Variants in ROR1 observed in about 807,000 individuals in gnomAD.
The protein encoded by ROR1 is inactive tyrosine-protein kinase transmembrane receptor ROR1.
Under a neutral mutation model 78.8 loss-of-function variants are expected in ROR1, and 19 were observed. The observed-to-expected ratio is 0.24, with a 90% CI of 0.17 to 0.35. ROR1 has a LOEUF of 0.35. ROR1 is among the 10% of genes least tolerant of loss of function. The probability of loss-of-function intolerance (pLI) is 1.00; values close to 1 mark genes in which losing one functional copy is unlikely to be tolerated. For missense variants in ROR1, 917 were observed against 1,177.8 expected (o/e 0.78, Z 3.24); for synonymous variants, 386 against 433.6 (o/e 0.89, Z 1.36).
At chr1:63,964,275 G>A (rs898614032) in intron 1 of ROR1, among the ~76,000 whole-genome samples, 10 of 152,114 alleles carry the variant, frequency 6.6e-5, no homozygotes, top group Non-Finnish European at 8.8e-5. Flanking sequence ...AATGGAATTC[G>A]CCCAAACTGC....
chr1:63,903,921 A>G (rs1475066327), intron 1 of ROR1, among the ~76,000 whole-genome samples: 1 of 152,202 alleles, frequency 6.6e-6, no homozygotes, highest in Non-Finnish European at 1.5e-5. Context: ...TAAAAGAGGT[A>G]AAACCAAACA....
At chr1:63,990,820 G>A (rs1399156264) in intron 1 of ROR1, among the ~76,000 whole-genome samples, 1 of 152,124 alleles carries the variant, frequency 6.6e-6, no homozygotes, top group African/African-American at 2.4e-5. Flanking sequence ...AAAAAGTGAA[G>A]GAGAGGGAGG....
At chr1:64,012,355 C>G (rs1321321340) in intron 2 of ROR1, among the ~76,000 whole-genome samples, 1 of 152,172 alleles carries the variant, frequency 6.6e-6, no homozygotes, top group Non-Finnish European at 1.5e-5. Context: ...CAGGAGAAAT[C>G]AAAACCTCAG....
chr1:64,053,297 G>A (rs1308506654), intron 4 of ROR1, among the ~76,000 whole-genome samples: 1 of 152,164 alleles, frequency 6.6e-6, no homozygotes, highest in Non-Finnish European at 1.5e-5. Flanking sequence ...AGGCAACAGG[G>A]CTACACAACT....
intron 1 of ROR1, among the ~76,000 whole-genome samples, chr1:63,944,799 C>T (rs545496952): frequency 1.3e-5 from 2 of 152,166 alleles, no homozygotes; most frequent in Admixed American, 1.3e-4. Flanking sequence ...ATGGATACAT[C>T]CTTGGCCAAA....
intron 1 of ROR1, among the ~76,000 whole-genome samples, chr1:63,967,137 G>A (rs1646081754): frequency 1.3e-5 from 2 of 152,086 alleles, no homozygotes; most frequent in South Asian, 4.1e-4. Flanking sequence ...ATGGTGCTTG[G>A]CACATAATAA....
intron 1 of ROR1, among the ~76,000 whole-genome samples, chr1:63,942,986 A>G (rs993367377): frequency 1.3e-5 from 2 of 150,760 alleles, no homozygotes; most frequent in South Asian, 2.1e-4. Context: ...GCTACTCAGG[A>G]GGCTGAAGTG....
intron 1 of ROR1, among the ~76,000 whole-genome samples, chr1:63,836,903 A>T (rs1645021430): frequency 6.6e-6 from 1 of 152,192 alleles, no homozygotes; most frequent in South Asian, 2.1e-4. Flanking sequence ...TGACAACCAC[A>T]TAGAGGTACC....
rs765751132 is a variant in ROR1 at position 64,046,211 on chromosome 1, G to A, written c.164-3480G>A. ...GTGAAGTGATGGTCTGACACACATC[G>A]CTAGAGAGTGGCAGAACTGCTACTT... On this transcript the variant is annotated intron_variant, in intron 2 of 8. Transcript: ENST00000371079. Among the ~76,000 whole-genome samples, 11 of 152,138 alleles carry A rather than the reference G, an allele frequency of 7.2e-5. No homozygotes were observed. The South Asian group carries it at 1.0e-3, about 14-fold the overall frequency.
chr1:63,832,894 G>A (rs1233971814), intron 1 of ROR1, among the ~76,000 whole-genome samples: 1 of 152,164 alleles, frequency 6.6e-6, no homozygotes, highest in Non-Finnish European at 1.5e-5. Flanking sequence ...GGTGTGTTGA[G>A]TTACACTCGA....
chr1:63,784,779 G>A (rs1438480798), intron 1 of ROR1, among the ~76,000 whole-genome samples: 2 of 152,228 alleles, frequency 1.3e-5, no homozygotes, highest in African/African-American at 4.8e-5. Flanking sequence ...GTTTGGCACA[G>A]TGCCTGGGCC....
At chr1:63,876,724 A>G (rs529150534) in intron 1 of ROR1, among the ~76,000 whole-genome samples, 3 of 145,176 alleles carry the variant, frequency 2.1e-5, no homozygotes, top group South Asian at 2.2e-4. Flanking sequence ...CAGTTCTTTC[A>G]TTCGTTCTCT....
Position 63,915,390 on chromosome 1 carries a change from G to C in ROR1, c.92-93915G>C, listed in dbSNP as rs536726879. ...GGTGCACATAAAAAGTGTTTGGAGA[G>C]CAATAAAGAGGCTTTGTGGAGAGAG... On this transcript the variant is annotated intron_variant, in intron 1 of 8. Transcript: ENST00000371079. Among the ~76,000 whole-genome samples the C allele has an allele frequency of 4.6e-5, 7 of 152,284 alleles. No individual in the cohort carries two copies. The South Asian group carries it at 1.2e-3, about 27-fold the overall frequency.
chr1:64,003,923 C>T (rs1026716407), intron 1 of ROR1, among the ~76,000 whole-genome samples: 2 of 152,200 alleles, frequency 1.3e-5, no homozygotes, highest in Non-Finnish European at 2.9e-5. Context: ...TTCCCGCCAC[C>T]CTCCAAATGA....
At chr1:64,046,864 C>T (rs1452469977) in intron 2 of ROR1, among the ~76,000 whole-genome samples, 1 of 152,262 alleles carries the variant, frequency 6.6e-6, no homozygotes, top group Non-Finnish European at 1.5e-5. Context: ...CACTAAACCA[C>T]TCTGATCCTA....
At chr1:63,780,948 A>G (rs1644648242) in intron 1 of ROR1, among the ~76,000 whole-genome samples, 3 of 152,192 alleles carry the variant, frequency 2.0e-5, no homozygotes, top group African/African-American at 7.2e-5. Context: ...GAGAAGGATA[A>G]TGGCCGGAGG....
intron 6 of ROR1, among the ~76,000 whole-genome samples, chr1:64,140,996 T>C (rs1473981033): frequency 6.6e-6 from 1 of 152,188 alleles, no homozygotes; most frequent in East Asian, 1.9e-4. Context: ...TAAATCCATA[T>C]AGACAGAATT....
chr1:64,092,157 C>A (rs1357254611), intron 4 of ROR1, among the ~76,000 whole-genome samples: 1 of 134,034 alleles, frequency 7.5e-6, no homozygotes, highest in Admixed American at 8.6e-5. Context: ...CCCTTCCTCC[C>A]TTCTTCCATT....
intron 1 of ROR1, among the ~76,000 whole-genome samples, chr1:63,998,862 A>C (rs1646360432): frequency 6.6e-6 from 1 of 152,176 alleles, no homozygotes; most frequent in Admixed American, 6.5e-5. Context: ...GTGGGAGATA[A>C]TTGAATCGTG....
Sources: gnomAD v4.1 joint callset for allele counts (sites outside exome capture counted in the v4.1 genomes callset) on GRCh38, gnomAD v4.1.1 for gene constraint, MANE v1.5 for transcripts, NCBI Gene and HGNC (gene_info 2026-07-23, HGNC 2026-07-21) for gene names.